The following SEPTIN14 variants were observed in gnomAD, a reference collection of about 807,000 sequenced individuals.
The protein encoded by SEPTIN14 is septin 14.
Under a neutral mutation model 53.6 loss-of-function variants are expected in SEPTIN14, and 40 were observed. The observed-to-expected ratio is 0.75, with a 90% CI of 0.58 to 0.97. The LOEUF is 0.97. SEPTIN14 is among the 50% of genes least tolerant of loss of function. The pLI, the probability that SEPTIN14 is intolerant of heterozygous loss-of-function variation, is 0.00. For missense variants in SEPTIN14, 471 were observed against 508.2 expected, an observed-to-expected ratio of 0.93 and a Z score of 0.70; for synonymous variants, 138 against 166.8, an observed-to-expected ratio of 0.83 and a Z score of 1.33.
intron 2 of SEPTIN14, among the ~76,000 whole-genome samples, chr7:55,850,002 T>C (rs1304539337): frequency 9.2e-5 from 14 of 152,218 alleles, no homozygotes; most frequent in Non-Finnish European, 1.5e-5. Context: ...CATATATCTA[T>C]TGAAGAAATT....
At chr7:55,806,151 C>T (rs1191313386) in intron 8 of SEPTIN14, among the ~76,000 whole-genome samples, 3 of 151,850 alleles carry the variant, frequency 2.0e-5, no homozygotes, top group Non-Finnish European at 2.9e-5. Context: ...GCACCCGCCA[C>T]CACGCCCAGC....
chr7:55,817,917 A>C (rs7803404), intron 7 of SEPTIN14, among the ~76,000 whole-genome samples: 95,863 of 152,068 alleles, frequency 0.63, 32,582 homozygotes, highest in African/African-American at 0.88. Context: ...TAAGTACATA[A>C]AATTTTATTT....
chr7:55,843,821 G>T (rs758596254), intron 4 of SEPTIN14, among the ~76,000 whole-genome samples: 1 of 152,032 alleles, frequency 6.6e-6, no homozygotes, highest in Non-Finnish European at 1.5e-5. Flanking sequence ...AACAGAGCAA[G>T]ACTCCATCTC....
intron 7 of SEPTIN14, among the ~76,000 whole-genome samples, chr7:55,816,136 G>A (rs567641967): frequency 4.6e-5 from 7 of 152,230 alleles, no homozygotes; most frequent in African/African-American, 1.7e-4. Context: ...CATTTGTGGA[G>A]CTAAAAATTA....
chr7:55,818,976 A>G (rs1386166236), intron 7 of SEPTIN14, 151 bp downstream of exon 7: 4 of 604,940 alleles, frequency 6.6e-6, no homozygotes, highest in Non-Finnish European at 8.8e-6. Context: ...TTTAAATAAA[A>G]CAGAGTTTGT....
intron 2 of SEPTIN14, among the ~76,000 whole-genome samples, chr7:55,859,187 C>T (rs529775436): frequency 1.3e-5 from 2 of 152,004 alleles, no homozygotes; most frequent in South Asian, 2.1e-4. Flanking sequence ...GACCAATGTC[C>T]AGGACATTTT....
intron 7 of SEPTIN14, among the ~76,000 whole-genome samples, chr7:55,815,039 G>A (rs1175588643): frequency 6.6e-6 from 1 of 152,088 alleles, no homozygotes; most frequent in African/African-American, 2.4e-5. Flanking sequence ...ACATACATTG[G>A]GGAAAGGATA....
At chr7:55,825,098 T>C (rs1293081939) in intron 6 of SEPTIN14, among the ~76,000 whole-genome samples, 4 of 152,122 alleles carry the variant, frequency 2.6e-5, no homozygotes, top group Non-Finnish European at 4.4e-5. Context: ...GCATCCAAGA[T>C]GTCCTTTAAT....
intron 7 of SEPTIN14, among the ~76,000 whole-genome samples, chr7:55,808,973 T>C (rs1190322274): frequency 1.3e-5 from 2 of 152,192 alleles, no homozygotes; most frequent in African/African-American, 2.4e-5. Context: ...TGTATGTTCA[T>C]TGCAGCACTA....
chr7:55,861,003 C>T (rs992549959), intron 2 of SEPTIN14, among the ~76,000 whole-genome samples: 1 of 152,158 alleles, frequency 6.6e-6, no homozygotes, highest in Non-Finnish European at 1.5e-5. Flanking sequence ...TTGTTGCTAG[C>T]ATTTGCATAT....
At chr7:55,803,121 A>T (rs1286190795) in intron 9 of SEPTIN14, among the ~76,000 whole-genome samples, 2 of 152,120 alleles carry the variant, frequency 1.3e-5, no homozygotes, top group African/African-American at 4.8e-5. Context: ...TATTTTTAAT[A>T]GAGACAAGGT....
chr7:55,847,156 C>G (rs1054353835), intron 2 of SEPTIN14, among the ~76,000 whole-genome samples: 5 of 151,924 alleles, frequency 3.3e-5, no homozygotes, highest in African/African-American at 1.2e-4. Context: ...TGCAGTGAGG[C>G]AAGAGCACAC....
chr7:55,802,067 C>T lies in SEPTIN14; in HGVS notation c.1119+3191G>A, dbSNP rs187329635. Among the ~76,000 whole-genome samples, 60 of 148,818 alleles carry T rather than the reference C, an allele frequency of 4.0e-4. No homozygotes were observed. In the East Asian group the frequency reaches 7.2e-3, roughly 18 times the overall value. ...AAGGCTGGAGTGCAGTGCAGTGGTG[C>T]GATCTCAGCTCACTGCAACCTTCAC... On this transcript the variant is annotated intron_variant, in intron 9 of 9. Coordinates refer to ENST00000388975, the MANE Select transcript of SEPTIN14 (RefSeq NM_207366.3).
chr7:55,854,452 C>T (rs112595516), intron 2 of SEPTIN14, among the ~76,000 whole-genome samples: 1 of 150,948 alleles, frequency 6.6e-6, no homozygotes, highest in Non-Finnish European at 1.5e-5. Flanking sequence ...TTTTTTGAGA[C>T]GGAGTCTCGC....
chr7:55,796,620 A>C (rs189058942), intron 9 of SEPTIN14, among the ~76,000 whole-genome samples: 24 of 151,818 alleles, frequency 1.6e-4, no homozygotes, highest in African/African-American at 5.8e-4. Flanking sequence ...CAGCTTCCCA[A>C]AGTGCTGGGA....
intron 9 of SEPTIN14, among the ~76,000 whole-genome samples, chr7:55,804,328 G>A (rs1207921559): frequency 6.7e-6 from 1 of 148,520 alleles, no homozygotes; most frequent in African/African-American, 2.5e-5. Context: ...GCACCATCTC[G>A]GCTCACTGCA....
intron 1 of SEPTIN14, 60 bp downstream of exon 1, chr7:55,862,628 T>C (rs1459496860): frequency 6.6e-6 from 1 of 152,234 alleles, no homozygotes; most frequent in African/African-American, 2.4e-5. Flanking sequence ...GAGATGTATG[T>C]ATTTTCATTG....
At chr7:55,827,085 T>G (rs1387168424) in intron 6 of SEPTIN14, among the ~76,000 whole-genome samples, 1 of 152,194 alleles carries the variant, frequency 6.6e-6, no homozygotes, top group African/African-American at 2.4e-5. Context: ...CCAGTACTTA[T>G]GCATGCCATC....
Position 55,844,729 on chromosome 7 carries a change from C to T in SEPTIN14, c.176-11G>A. 3 of 1,486,054 alleles carry T rather than the reference C, an allele frequency of 2.0e-6. No homozygotes were observed. Among genetic ancestry groups the T allele is most frequent in the Non-Finnish European group, 2.8e-6 (3 of 1,085,730 alleles). The allele number at this position is 1,486,054 out of a possible 1,614,324, so 92.1% of individuals were successfully genotyped here. ...CAATTCCAGTCTCCCCTGTAATAGACATAGAGTCATTGTCATAGGGACATA... is the reference window on the plus strand; with the variant it reads ...CAATTCCAGTCTCCCCTGTAATAGATATAGAGTCATTGTCATAGGGACATA... On this transcript the variant is annotated splice_polypyrimidine_tract_variant and intron_variant, in intron 3 of 9. Transcript: ENST00000388975.
Sources: gnomAD v4.1 joint callset for allele counts (sites outside exome capture counted in the v4.1 genomes callset) on GRCh38, gnomAD v4.1.1 for gene constraint, MANE v1.5 for transcripts, NCBI Gene and HGNC (gene_info 2026-07-23, HGNC 2026-07-21) for gene names.